TNFSF4: variants seen among roughly 807,000 people sequenced by gnomAD.
TNFSF4 encodes the protein tumor necrosis factor ligand superfamily member 4.
Under a neutral mutation model 7.3 loss-of-function variants are expected in TNFSF4, and 4 were observed. That is an observed-to-expected ratio of 0.55 (90% CI 0.27 to 1.25). TNFSF4 has a LOEUF of 1.25. TNFSF4 is among the 50% of genes most tolerant of loss of function. TNFSF4 has a pLI of 0.12. For synonymous variants in TNFSF4, 76 were observed against 83.7 expected, an observed-to-expected ratio of 0.91 and a Z score of 0.50; for missense variants, 181 against 208.8, an observed-to-expected ratio of 0.87 and a Z score of 0.82.
At chr1:173,342,621 G>A in the TNFSF4 span, among the ~76,000 whole-genome samples, 10 of 151,972 alleles carry the variant, frequency 6.6e-5, no homozygotes, top group Middle Eastern at 3.4e-3. Flanking sequence ...TCCTAATCCC[G>A]TCAGTAAAGG....
At chr1:173,295,579 CA>C in the TNFSF4 span, among the ~76,000 whole-genome samples, 1 of 151,928 alleles carries the variant, frequency 6.6e-6, no homozygotes, top group East Asian at 1.9e-4. Flanking sequence ...TAAGCAGAAC[CA>C]ATTGAGATGC....
At chr1:173,419,155 C>T in the TNFSF4 span, among the ~76,000 whole-genome samples, 55 of 152,130 alleles carry the variant, frequency 3.6e-4, 2 homozygotes, top group South Asian at 6.4e-3. Flanking sequence ...CTGGCTAACA[C>T]GGTGAAACCC....
the TNFSF4 span, among the ~76,000 whole-genome samples, chr1:173,422,034 C>T: frequency 1.7e-4 from 26 of 152,010 alleles, 1 homozygote; most frequent in East Asian, 4.8e-3. Flanking sequence ...TGTTACAGTC[C>T]CACAGCTATA....
At chr1:173,289,410 C>T in the TNFSF4 span, among the ~76,000 whole-genome samples, 3,487 of 152,160 alleles carry the variant, frequency 0.023, 134 homozygotes, top group African/African-American at 0.08. Context: ...ATAAACTGAT[C>T]CACAAGTAAT....
chr1:173,427,159 T>C, the TNFSF4 span, among the ~76,000 whole-genome samples: 1 of 152,232 alleles, frequency 6.6e-6, no homozygotes, highest in Non-Finnish European at 1.5e-5. Context: ...TCATAGTGAA[T>C]GGCCTAGGTC....
chr1:173,325,111 G>A, the TNFSF4 span, among the ~76,000 whole-genome samples: 1 of 152,070 alleles, frequency 6.6e-6, no homozygotes, highest in South Asian at 2.1e-4. Flanking sequence ...CACATACTTG[G>A]AAGTAAAGCT....
At chr1:173,229,560 A>T in the TNFSF4 span, among the ~76,000 whole-genome samples, 3 of 152,254 alleles carry the variant, frequency 2.0e-5, no homozygotes, top group African/African-American at 7.2e-5. Context: ...TCATAGTGAC[A>T]GGATCAAATC....
the TNFSF4 span, among the ~76,000 whole-genome samples, chr1:173,229,709 A>G: frequency 1.3e-5 from 2 of 152,166 alleles, no homozygotes; most frequent in African/African-American, 4.8e-5. Flanking sequence ...AGAGACACAC[A>G]TAGGTTCAAA....
the TNFSF4 span, among the ~76,000 whole-genome samples, chr1:173,256,523 G>T: frequency 6.6e-6 from 1 of 152,080 alleles, no homozygotes; most frequent in Non-Finnish European, 1.5e-5. Context: ...TCACATTGGG[G>T]GCTAGGGCTT....
At chr1:173,368,474 G>A in the TNFSF4 span, among the ~76,000 whole-genome samples, 1 of 152,142 alleles carries the variant, frequency 6.6e-6, no homozygotes, top group Non-Finnish European at 1.5e-5. Flanking sequence ...TTTTTCCTCA[G>A]AATTCGGGGG....
chr1:173,259,215 T>C, the TNFSF4 span, among the ~76,000 whole-genome samples: 53 of 152,190 alleles, frequency 3.5e-4, no homozygotes, highest in African/African-American at 1.1e-3. Flanking sequence ...CCCAGGTGAA[T>C]AGGGTCTGGA....
chr1:173,222,275 G>C, the TNFSF4 span, among the ~76,000 whole-genome samples: 1 of 152,106 alleles, frequency 6.6e-6, no homozygotes, highest in Non-Finnish European at 1.5e-5. Flanking sequence ...CTAAAATAAA[G>C]CCTGACTAAG....
upstream of TNFSF4, among the ~76,000 whole-genome samples, chr1:173,210,532 T>C (rs1571208975): frequency 6.6e-6 from 1 of 152,120 alleles, no homozygotes; most frequent in Non-Finnish European, 1.5e-5. Flanking sequence ...GAGAAGAGGC[T>C]CAGAAGAATC....
At chr1:173,182,346 T>C (rs139478637), downstream of TNFSF4, among the ~76,000 whole-genome samples, 116 of 152,336 alleles carry the variant, frequency 7.6e-4, no homozygotes, top group African/African-American at 2.7e-3. Context: ...CCAAAGAGGA[T>C]AGAATGTTCT....
At chr1:173,398,417 T>C in the TNFSF4 span, among the ~76,000 whole-genome samples, 1 of 148,488 alleles carries the variant, frequency 6.7e-6, no homozygotes, top group East Asian at 1.9e-4. Flanking sequence ...TTCTTTTTTT[T>C]TTTTTTTTTT....
the TNFSF4 span, among the ~76,000 whole-genome samples, chr1:173,328,806 A>T: frequency 6.6e-6 from 1 of 152,204 alleles, no homozygotes; most frequent in Admixed American, 6.5e-5. Context: ...AAAGAAAAAA[A>T]ATAGATAAAT....
chr1:173,378,788 C>T, the TNFSF4 span, among the ~76,000 whole-genome samples: 1 of 152,004 alleles, frequency 6.6e-6, no homozygotes, highest in Non-Finnish European at 1.5e-5. Context: ...CCTATAGCTC[C>T]CCTTCCTATT....
the TNFSF4 span, among the ~76,000 whole-genome samples, chr1:173,177,912 G>A: frequency 2.0e-5 from 3 of 152,170 alleles, no homozygotes; most frequent in African/African-American, 4.8e-5. Context: ...TCTCATGGAG[G>A]AGCATGTTTG....
the TNFSF4 span, among the ~76,000 whole-genome samples, chr1:173,360,030 T>C: frequency 2.0e-5 from 3 of 152,244 alleles, no homozygotes; most frequent in South Asian, 2.1e-4. Flanking sequence ...TATTATCATA[T>C]TGTCCACCCT....
Sources: gnomAD v4.1 joint callset for allele counts (sites outside exome capture counted in the v4.1 genomes callset) on GRCh38, gnomAD v4.1.1 for gene constraint, MANE v1.5 for transcripts, NCBI Gene and HGNC (gene_info 2026-07-23, HGNC 2026-07-21) for gene names.